Variants in PSD3 observed in about 807,000 individuals in gnomAD.
PSD3 encodes the protein pleckstrin and Sec7 domain containing 3, also known as PH and SEC7 domain-containing protein 3.
A neutral mutation model predicts 105.5 loss-of-function variants in PSD3; 49 were observed. That is an observed-to-expected ratio of 0.46 (90% CI 0.37 to 0.59). PSD3 has a LOEUF of 0.59. Ranked by LOEUF, PSD3 falls within the 20% of genes least tolerant of loss-of-function variation. The pLI is 0.00. For missense variants in PSD3, 1,561 were observed against 1,263.8 expected (o/e 1.24, Z -3.57); for synonymous variants, 557 against 457.8 (o/e 1.22, Z -2.77).
At chr8:18,745,085 C>A (rs1168575209) in intron 9 of PSD3, among the ~76,000 whole-genome samples, 2 of 152,182 alleles carry the variant, frequency 1.3e-5, no homozygotes, top group African/African-American at 4.8e-5. Context: ...AGATGCCTTG[C>A]CACTGGTGAT....
intron 4 of PSD3, among the ~76,000 whole-genome samples, chr8:18,809,577 T>C (rs1474853391): frequency 1.3e-5 from 2 of 152,238 alleles, no homozygotes; most frequent in Non-Finnish European, 1.5e-5. Flanking sequence ...GACATACTTA[T>C]ACAAAAATAT....
At chr8:19,034,372 G>A (rs1827876068) in intron 1 of PSD3, among the ~76,000 whole-genome samples, 1 of 152,090 alleles carries the variant, frequency 6.6e-6, no homozygotes, top group Non-Finnish European at 1.5e-5. Context: ...ATATGGACCT[G>A]GAAATCATTG....
At chr8:18,661,200 A>G (rs10503624) in intron 9 of PSD3, among the ~76,000 whole-genome samples, 5,112 of 152,252 alleles carry the variant, frequency 0.034, 116 homozygotes, top group South Asian at 0.072. Context: ...TTCCTGAATC[A>G]TTATGAAAAG....
chr8:18,576,212 T>C (rs892219223), intron 12 of PSD3, among the ~76,000 whole-genome samples: 13 of 152,272 alleles, frequency 8.5e-5, no homozygotes, highest in Admixed American at 5.9e-4. Flanking sequence ...TCAATTCAAA[T>C]TGAGTCAAAA....
chr8:19,007,900 T>C (rs11204016), intron 1 of PSD3, among the ~76,000 whole-genome samples: 50,895 of 152,054 alleles, frequency 0.33, 8,946 homozygotes, highest in East Asian at 0.41. Context: ...TGGAGTGCAA[T>C]GGCACAATCT....
At chr8:19,015,097 T>G (rs1827134589), upstream of PSD3, among the ~76,000 whole-genome samples, 1 of 152,136 alleles carries the variant, frequency 6.6e-6, no homozygotes, top group Non-Finnish European at 1.5e-5. Flanking sequence ...CCCAGGTGTG[T>G]GGGAGGAACC....
intron 2 of PSD3, among the ~76,000 whole-genome samples, chr8:18,923,109 C>A (rs1475185022): frequency 1.3e-5 from 2 of 152,164 alleles, no homozygotes; most frequent in Non-Finnish European, 2.9e-5. Flanking sequence ...GGTGTCCAAT[C>A]TCTTGGCTTC....
chr8:18,725,700 C>T (rs1392752373), intron 9 of PSD3, among the ~76,000 whole-genome samples: 4 of 152,022 alleles, frequency 2.6e-5, no homozygotes, highest in African/African-American at 9.7e-5. Flanking sequence ...TAATGAATTC[C>T]TCCAGCACTA....
chr8:18,900,342 A>G (rs1452002027), intron 2 of PSD3, among the ~76,000 whole-genome samples: 2 of 152,182 alleles, frequency 1.3e-5, no homozygotes, highest in Non-Finnish European at 2.9e-5. Flanking sequence ...AAAAAGTTCA[A>G]GGTTTTGTGC....
intron 9 of PSD3, among the ~76,000 whole-genome samples, chr8:18,752,532 ATATAT>A (rs1805615623): frequency 2.1e-3 from 45 of 21,910 alleles, no homozygotes; most frequent in African/African-American, 9.3e-3. Context: ...ATATATAATT[ATATAT>A]TATATATATT....
chr8:18,896,017 T>G (rs1819127186), intron 2 of PSD3, among the ~76,000 whole-genome samples: 1 of 152,202 alleles, frequency 6.6e-6, no homozygotes, highest in Non-Finnish European at 1.5e-5. Context: ...ACTCTACTTC[T>G]ATGAGATCAA....
chr8:18,584,305 C>T (rs762089172), intron 12 of PSD3, among the ~76,000 whole-genome samples: 4 of 152,268 alleles, frequency 2.6e-5, no homozygotes, highest in Non-Finnish European at 5.9e-5. Flanking sequence ...GTGCAGTGGC[C>T]AAGTTAGTTG....
intron 12 of PSD3, among the ~76,000 whole-genome samples, chr8:18,586,107 T>C (rs1381790101): frequency 6.6e-6 from 1 of 152,098 alleles, no homozygotes; most frequent in Non-Finnish European, 1.5e-5. Context: ...ATGCAACATA[T>C]GGGAGCATAA....
chr8:18,891,595 G>T (rs1006546725), intron 2 of PSD3, among the ~76,000 whole-genome samples: 4 of 151,734 alleles, frequency 2.6e-5, no homozygotes, highest in African/African-American at 7.3e-5. Context: ...TAAGAAGCTG[G>T]TTTATCCAAC....
At chr8:19,067,359 T>C (rs1383021378) in intron 1 of PSD3, among the ~76,000 whole-genome samples, 1 of 152,136 alleles carries the variant, frequency 6.6e-6, no homozygotes, top group Admixed American at 6.5e-5. Flanking sequence ...CATCACCTCA[T>C]CCAAGGCTTC....
At position 18,584,517 on chromosome 8, in the gene PSD3, A is replaced by C. The variant is rs1469924529; in HGVS notation, c.2482-9232T>G. 3.3e-5 allele frequency among the ~76,000 whole-genome samples: 5 copies of C among 152,246 alleles called. No individual in the cohort carries two copies. The East Asian group carries it at 9.6e-4, about 29-fold the overall frequency. On this transcript the variant is annotated intron_variant, in intron 12 of 15. Transcript: ENST00000327040. The stretch of plus-strand genomic sequence containing the variant: ...GAACGCCAGCTTTTCAATTTAAAAA[A>C]TGGGAACAGTATCCTTCTATGAGAT...
intron 11 of PSD3, among the ~76,000 whole-genome samples, chr8:18,621,698 G>A (rs907870336): frequency 2.0e-5 from 3 of 151,988 alleles, no homozygotes; most frequent in Admixed American, 1.3e-4. Flanking sequence ...AAACTGCTCC[G>A]TTACACACCC....
intron 1 of PSD3, among the ~76,000 whole-genome samples, chr8:19,078,197 G>A (rs1829521546): frequency 6.6e-6 from 1 of 151,852 alleles, no homozygotes; most frequent in Non-Finnish European, 1.5e-5. Context: ...AGCCAAGCCA[G>A]GAAAACAAAA....
At chr8:18,966,559 A>G (rs2129471579) in intron 1 of PSD3, among the ~76,000 whole-genome samples, 1 of 129,458 alleles carries the variant, frequency 7.7e-6, no homozygotes, top group African/African-American at 2.8e-5. Context: ...CAACAGAGAG[A>G]GACTGTCTTA....
Sources: gnomAD v4.1 joint callset for allele counts (sites outside exome capture counted in the v4.1 genomes callset) on GRCh38, gnomAD v4.1.1 for gene constraint, MANE v1.5 for transcripts, NCBI Gene and HGNC (gene_info 2026-07-23, HGNC 2026-07-21) for gene names.